NDUFAF2: variants seen among roughly 807,000 people sequenced by gnomAD.
The protein encoded by NDUFAF2 is NADH dehydrogenase [ubiquinone] 1 alpha subcomplex assembly factor 2.
In NDUFAF2, 13 loss-of-function variants were observed where a neutral mutation model predicts 22.8. The observed-to-expected ratio is 0.57, with a 90% CI of 0.37 to 0.91. NDUFAF2 has a LOEUF of 0.91. Among genes scored for constraint, NDUFAF2 ranks in the 40% least tolerant of loss-of-function variants. The probability of loss-of-function intolerance (pLI) is 0.01; values close to 1 mark genes in which losing one functional copy is unlikely to be tolerated. For missense variants in NDUFAF2, 162 were observed against 195.2 expected (o/e 0.83, Z 1.01); for synonymous variants, 53 against 64.2 (o/e 0.83, Z 0.84).
intron 1 of NDUFAF2, among the ~76,000 whole-genome samples, chr5:61,060,587 T>A (rs779728524): frequency 3.3e-5 from 5 of 152,124 alleles, no homozygotes; most frequent in Non-Finnish European, 4.4e-5. Flanking sequence ...ACCTATTTGA[T>A]CACCATTCCT....
chr5:60,947,277 A>G (rs1265641340), intron 1 of NDUFAF2, among the ~76,000 whole-genome samples: 1 of 152,162 alleles, frequency 6.6e-6, no homozygotes, highest in East Asian at 1.9e-4. Context: ...CACCCTCACC[A>G]GCACTTAGTA....
chr5:61,006,286 G>T (rs936855908), intron 1 of NDUFAF2, among the ~76,000 whole-genome samples: 1 of 152,124 alleles, frequency 6.6e-6, no homozygotes, highest in Non-Finnish European at 1.5e-5. Context: ...GCTCTATTCT[G>T]TTCCATTGGT....
intron 3 of NDUFAF2, among the ~76,000 whole-genome samples, chr5:61,141,083 C>T (rs910658934): frequency 3.9e-5 from 6 of 151,944 alleles, no homozygotes; most frequent in East Asian, 1.9e-4. Context: ...CAAAATTAGC[C>T]GGACGTGGTG....
chr5:60,967,429 G>A (rs1460974367), intron 1 of NDUFAF2, among the ~76,000 whole-genome samples: 3 of 151,936 alleles, frequency 2.0e-5, no homozygotes, highest in African/African-American at 7.2e-5. Flanking sequence ...GGATCTTAGA[G>A]GAAGAGCTTT....
chr5:60,968,428 A>C (rs1412478541), intron 1 of NDUFAF2, among the ~76,000 whole-genome samples: 1 of 151,370 alleles, frequency 6.6e-6, no homozygotes, highest in East Asian at 1.9e-4. Flanking sequence ...ATAGTGTTAG[A>C]TTGTATATTT....
At chr5:61,020,549 G>A (rs1351105742) in intron 1 of NDUFAF2, among the ~76,000 whole-genome samples, 6 of 108,508 alleles carry the variant, frequency 5.5e-5, no homozygotes, top group Non-Finnish European at 2.2e-5. Flanking sequence ...GTTTTGTTAT[G>A]TGTGTGTGTG....
intron 3 of NDUFAF2, among the ~76,000 whole-genome samples, chr5:61,105,065 AT>A (rs899153250): frequency 2.6e-5 from 4 of 151,188 alleles, no homozygotes; most frequent in African/African-American, 4.9e-5. Context: ...CTGTGATTCT[AT>A]TTTTTTCTTT....
At chr5:61,027,844 C>T (rs1035847564) in intron 1 of NDUFAF2, among the ~76,000 whole-genome samples, 8 of 151,884 alleles carry the variant, frequency 5.3e-5, no homozygotes, top group African/African-American at 1.9e-4. Flanking sequence ...CTTGTTGTCC[C>T]TGCCCATATG....
chr5:61,096,764 G>T (rs1249058524), intron 2 of NDUFAF2, among the ~76,000 whole-genome samples: 1 of 151,918 alleles, frequency 6.6e-6, no homozygotes, highest in Non-Finnish European at 1.5e-5. Context: ...AGGAGTTCAA[G>T]ACCAGCGTGG....
intron 1 of NDUFAF2, among the ~76,000 whole-genome samples, chr5:61,035,748 A>G (rs1260305393): frequency 1.3e-5 from 2 of 151,986 alleles, no homozygotes; most frequent in African/African-American, 4.8e-5. Flanking sequence ...AAGTAAAAAG[A>G]ATGTTTTAGT....
At chr5:60,960,581 A>G (rs1418007839) in intron 1 of NDUFAF2, among the ~76,000 whole-genome samples, 1 of 152,186 alleles carries the variant, frequency 6.6e-6, no homozygotes, top group Non-Finnish European at 1.5e-5. Context: ...AAGAGTTGTA[A>G]AAGTGAGTTG....
chr5:61,122,365 A>G (rs1269278406), intron 3 of NDUFAF2, among the ~76,000 whole-genome samples: 2 of 152,166 alleles, frequency 1.3e-5, no homozygotes, highest in Non-Finnish European at 2.9e-5. Context: ...CTGGTATATA[A>G]AGTGTTTAGC....
chr5:61,089,234 C>T (rs6449519), intron 2 of NDUFAF2, among the ~76,000 whole-genome samples: 151,374 of 152,210 alleles, frequency 0.99, 75,272 homozygotes, highest in Middle Eastern at 1. Context: ...TGAATATTGA[C>T]GAAAGAATGC....
intron 1 of NDUFAF2, among the ~76,000 whole-genome samples, chr5:60,949,992 G>T (rs935168696): frequency 4.6e-5 from 7 of 151,980 alleles, no homozygotes; most frequent in African/African-American, 1.7e-4. Context: ...AGATCCTTTG[G>T]ACATTCTCTG....
intron 1 of NDUFAF2, among the ~76,000 whole-genome samples, chr5:60,982,026 G>C (rs1196469200): frequency 2.0e-5 from 3 of 152,106 alleles, no homozygotes; most frequent in Non-Finnish European, 4.4e-5. Context: ...AAACACTTCA[G>C]TACTTTGAAC....
intron 1 of NDUFAF2, among the ~76,000 whole-genome samples, chr5:61,018,922 A>G (rs961762763): frequency 9.2e-5 from 14 of 152,222 alleles, no homozygotes; most frequent in African/African-American, 3.1e-4. Flanking sequence ...GTTCCTAAGA[A>G]AATTGTTTCC....
intron 2 of NDUFAF2, among the ~76,000 whole-genome samples, chr5:61,078,183 T>C (rs974192192): frequency 2.0e-5 from 3 of 152,186 alleles, no homozygotes; most frequent in African/African-American, 7.2e-5. Flanking sequence ...TGTTTACTTA[T>C]CTGCATCCTC....
intron 1 of NDUFAF2, among the ~76,000 whole-genome samples, chr5:60,993,583 C>G (rs2112586561): frequency 6.6e-6 from 1 of 152,246 alleles, no homozygotes; most frequent in Non-Finnish European, 1.5e-5. Flanking sequence ...ACCTGGTCAT[C>G]ATGTTAAGTG....
At chr5:60,999,797 T>C (rs895757752) in intron 1 of NDUFAF2, among the ~76,000 whole-genome samples, 2 of 152,134 alleles carry the variant, frequency 1.3e-5, no homozygotes, top group African/African-American at 4.8e-5. Context: ...ACATACAGTA[T>C]ATTTTTGAAA....
Sources: gnomAD v4.1 joint callset for allele counts (sites outside exome capture counted in the v4.1 genomes callset) on GRCh38, gnomAD v4.1.1 for gene constraint, MANE v1.5 for transcripts, NCBI Gene and HGNC (gene_info 2026-07-23, HGNC 2026-07-21) for gene names.